Variants in PANK3 observed in about 807,000 individuals in gnomAD.
PANK3 encodes pantothenate kinase 3, also known as hPanK3.
PANK3 carries 20 observed loss-of-function variants against 39.4 expected under a neutral mutation model. The ratio of observed to expected loss-of-function variants is 0.51; its 90% confidence interval spans 0.36 to 0.74. The LOEUF (loss-of-function observed/expected upper bound fraction) is 0.74, where lower values mean the gene tolerates loss of function less well. PANK3 is among the 30% of genes least tolerant of loss of function. The pLI, the probability that PANK3 is intolerant of heterozygous loss-of-function variation, is 0.00. For missense variants in PANK3, 265 were observed against 437.0 expected (o/e 0.61, Z 3.51); for synonymous variants, 140 against 157.3 (o/e 0.89, Z 0.82).
chr5:168,561,008 A>G (rs758270817), intron 5 of PANK3: 5 of 479,666 alleles, frequency 1.0e-5, no homozygotes, highest in Non-Finnish European at 2.2e-5. Context: ...ATCAAATGCA[A>G]CATTAAGCAC....
chr5:168,550,409 C>A lies in PANK3; in HGVS notation c.*7162G>T, dbSNP rs1759258787. ...AAGTCAAGGAACATCTGTATTCTAA[C>A]ATTTATGAATAATTTTTTGTACAAT... On this transcript the variant is annotated 3_prime_UTR_variant, in exon 7 of 7. Coordinates refer to ENST00000239231, the MANE Select transcript of PANK3 (RefSeq NM_024594.4). 1 of 152,184 alleles carries A rather than the reference C, an allele frequency of 6.6e-6. No individual in the cohort carries two copies. The highest frequency in any genetic ancestry group is 2.4e-5 in the African/African-American group (1 of 41,452). The allele number at this position is 152,184 out of a possible 1,614,324, so 9.4% of individuals were successfully genotyped here.
chr5:168,569,024 A>ATAT lies in PANK3; in HGVS notation c.29-27_29-26insATA, dbSNP rs1313449980. 26 of 334,514 alleles carry ATAT rather than the reference A, an allele frequency of 7.8e-5. No individual in the cohort carries two copies. The African/African-American group carries it at 8.6e-4, about 11-fold the overall frequency. 20.7% of individuals were successfully genotyped at this position (334,514 alleles called of 1,614,324 possible). ...CTATGGGAGGAAAAAAAAAAAAAAA[A>ATAT]AAAAAAATATATATATATATATATA... On this transcript the variant is annotated intron_variant, in intron 1 of 6. Coordinates refer to ENST00000239231, the MANE Select transcript of PANK3 (RefSeq NM_024594.4).
At chr5:168,579,220 C>G in intron 1 of PANK3, 36 bp downstream of exon 1, 1 of 1,479,912 alleles carries the variant, frequency 6.8e-7, no homozygotes, top group Non-Finnish European at 9.0e-7. Context: ...CCCAAGGGTG[C>G]CCTCCCAACC....
At chr5:168,558,637 A>G (rs548325719) in intron 6 of PANK3, among the ~76,000 whole-genome samples, 1 of 152,204 alleles carries the variant, frequency 6.6e-6, no homozygotes, top group Admixed American at 6.5e-5. Context: ...TGAATACAAA[A>G]AAATCTGGGG....
intron 3 of PANK3, 77 bp from the exon 4 acceptor site, chr5:168,564,142 C>T: frequency 8.1e-7 from 1 of 1,233,074 alleles, no homozygotes; most frequent in Non-Finnish European, 1.1e-6. Flanking sequence ...GTGGATCATT[C>T]ATGTATTCAA....
intron 4 of PANK3, among the ~76,000 whole-genome samples, chr5:168,563,261 G>A (rs1759473796): frequency 6.6e-6 from 1 of 152,086 alleles, no homozygotes; most frequent in East Asian, 1.9e-4. Context: ...CAGAAAAGTA[G>A]AACATGAACA....
Position 168,553,526 on chromosome 5 carries a change from CA to C in PANK3, c.*4044del, listed in dbSNP as rs1331445295. On this transcript the variant is annotated 3_prime_UTR_variant, in exon 7 of 7. Transcript: ENST00000239231. ...GGGGAAGATGGCCACAGACAAGGGC[CA>C]GGGGGACATGAGCAAAACCTCAGAG... 3.0e-6 allele frequency: 1 copy of C among 338,146 alleles called. No homozygotes were observed. The highest frequency in any genetic ancestry group is 2.5e-5 in the South Asian group (1 of 40,796). 20.9% of individuals were successfully genotyped at this position (338,146 alleles called of 1,614,324 possible).
rs748423483 is a variant in PANK3, at chr5:168,568,836, C to T, written c.191G>A (p.Arg64Gln). ...SNVAYGSTGI[R>Q]DVHLELKDLT... ...ATCTTTCAGTTCAAGGTGTACATCC[C>T]GAATGCCGGTGGATCCATATGCCAC... The change falls in exon 2 of 7, where the codon CGG becomes CAG. Residue 64 changes from arginine to glutamine, a missense_variant. Physicochemically the swap from Arg to Gln is conservative, Grantham distance 43 (BLOSUM62 1). Transcript: ENST00000239231. 26 of 1,613,720 alleles carry T rather than the reference C, an allele frequency of 1.6e-5. No homozygotes were observed. The highest frequency in any genetic ancestry group is 1.3e-4 in the South Asian group (12 of 91,056).
rs531517672 is a variant in PANK3, at chr5:168,557,715, T to C, written c.1063-94A>G. 303 of 1,021,344 alleles carry C rather than the reference T, an allele frequency of 3.0e-4. 1 individual carries two copies. The African/African-American group carries it at 4.6e-3, about 16-fold the overall frequency. 63.3% of individuals were successfully genotyped at this position (1,021,344 alleles called of 1,614,324 possible). A position where few individuals can be genotyped will look rare whatever the true frequency, so the allele number is the denominator to read the frequency against. ...GAACACACAACTATGCACAATCTAT[T>C]TGTTTAATAATATTTGGAAACCTAC... On this transcript the variant is annotated intron_variant, in intron 6 of 6. Transcript: ENST00000239231.
intron 3 of PANK3, among the ~76,000 whole-genome samples, 156 bp downstream of exon 3, chr5:168,565,857 T>TAAAAAAAAAAA (rs33910263): frequency 2.9e-5 from 3 of 104,306 alleles, no homozygotes; most frequent in African/African-American, 1.2e-4. Context: ...CTCTTTCACT[T>TAAAAAAAAAAA]AAAAAAAAAA....
chr5:168,558,173 T>TA lies in PANK3; in HGVS notation c.1063-553dup, dbSNP rs1491421535. On this transcript the variant is annotated intron_variant, in intron 6 of 6. Transcript: ENST00000239231. ...GGAAGCTTTTTTTTTTTTTTTTTTT[T>TA]AGACAGTCTCGCTATCACCCAGGCT... Among the ~76,000 whole-genome samples the TA allele has an allele frequency of 4.4e-5, 6 of 137,080 alleles. No individual in the cohort carries two copies. In the South Asian group the frequency reaches 8.8e-4, roughly 20 times the overall value. The allele number at this position is 137,080 out of a possible 152,430, so 89.9% of individuals were successfully genotyped here.
intron 1 of PANK3, among the ~76,000 whole-genome samples, chr5:168,574,908 T>C (rs1186632742): frequency 6.6e-6 from 1 of 151,996 alleles, no homozygotes; most frequent in Non-Finnish European, 1.5e-5. Flanking sequence ...CAAGCAAGTA[T>C]CTACATATTT....
chr5:168,563,623 GAAAAGTA>G (rs996257709), intron 4 of PANK3, among the ~76,000 whole-genome samples: 1 of 150,060 alleles, frequency 6.7e-6, no homozygotes, highest in Admixed American at 6.7e-5. Flanking sequence ...TATATGGGGA[GAAAAGTA>G]AAAATATGTA....
In PANK3 at chr5:168,560,289, G is replaced by A. The variant is rs558243106; in HGVS notation, c.936+1104C>T. Among the ~76,000 whole-genome samples the A allele has an allele frequency of 1.0e-3, 159 of 152,290 alleles. 1 individual carries two copies. Among genetic ancestry groups the A allele is most frequent in the African/African-American group, 3.8e-3 (157 of 41,554 alleles). On this transcript the variant is annotated intron_variant, in intron 5 of 6. Transcript: ENST00000239231. ...AATAATTCAGAGGATTTGCATATTT[G>A]TTCTCTCTGCTGGAAGCTTTCTCCC...
chr5:168,553,369 A>G lies in PANK3; in HGVS notation c.*4202T>C. The G allele has an allele frequency of 2.0e-6, 1 of 498,208 alleles. No homozygotes were observed. The highest frequency in any genetic ancestry group is 4.0e-6 in the Non-Finnish European group (1 of 247,456). 30.9% of individuals were successfully genotyped at this position (498,208 alleles called of 1,614,324 possible). A position where few individuals can be genotyped will look rare whatever the true frequency, so the allele number is the denominator to read the frequency against. ...CTAGTGGCCCAGGATCAGCATTTCAACCAACTCAGCTTGTCTGCAGAATCC... is the reference window on the plus strand; with the variant it reads ...CTAGTGGCCCAGGATCAGCATTTCAGCCAACTCAGCTTGTCTGCAGAATCC... On this transcript the variant is annotated 3_prime_UTR_variant, in exon 7 of 7. Transcript: ENST00000239231.
chr5:168,566,773 T>C (rs1297918357), intron 2 of PANK3, among the ~76,000 whole-genome samples: 2 of 152,236 alleles, frequency 1.3e-5, no homozygotes, highest in African/African-American at 4.8e-5. Context: ...AGACAGAGTC[T>C]AGCTCTGTCA....
chr5:168,570,312 G>A (rs996376016), intron 1 of PANK3, among the ~76,000 whole-genome samples: 2 of 151,446 alleles, frequency 1.3e-5, no homozygotes, highest in African/African-American at 4.9e-5. Flanking sequence ...GTGAACCCGG[G>A]AGGTGGAGCT....
In PANK3 at chr5:168,556,671, G is replaced by A. The variant is rs1281669767; in HGVS notation, c.*900C>T. 1 of 152,586 alleles carries A rather than the reference G, an allele frequency of 6.6e-6. No individual in the cohort carries two copies. The highest frequency in any genetic ancestry group is 2.4e-5 in the African/African-American group (1 of 41,442). 9.5% of individuals were successfully genotyped at this position (152,586 alleles called of 1,614,324 possible). On this transcript the variant is annotated 3_prime_UTR_variant, in exon 7 of 7. Transcript: ENST00000239231. ...ATGGTAGAGGTTTTCCCATTTTTCA[G>A]TGACTAGACTGTGAATATTTACAGA...
At chr5:168,567,337 A>G (rs1171137510) in intron 2 of PANK3, among the ~76,000 whole-genome samples, 1 of 152,198 alleles carries the variant, frequency 6.6e-6, no homozygotes, top group Admixed American at 6.5e-5. Context: ...CTACCCACGG[A>G]TAGATTAATT....
Sources: gnomAD v4.1 joint callset for allele counts (sites outside exome capture counted in the v4.1 genomes callset) on GRCh38, gnomAD v4.1.1 for gene constraint, MANE v1.5 for transcripts, NCBI Gene and HGNC (gene_info 2026-07-23, HGNC 2026-07-21) for gene names.